Variants in LCMT1 observed in about 807,000 individuals in gnomAD.
LCMT1 encodes leucine carboxyl methyltransferase 1.
Under a neutral mutation model 47.7 loss-of-function variants are expected in LCMT1, and 32 were observed. That is an observed-to-expected ratio of 0.67 (90% CI 0.51 to 0.90). The LOEUF (loss-of-function observed/expected upper bound fraction) is 0.90. Ranked by LOEUF, LCMT1 falls within the 40% of genes least tolerant of loss-of-function variation. The probability of loss-of-function intolerance (pLI) is 0.00; values close to 1 mark genes in which losing one functional copy is unlikely to be tolerated. For missense variants in LCMT1, 375 were observed against 415.2 expected, an observed-to-expected ratio of 0.90 and a Z score of 0.84; for synonymous variants, 152 against 149.7, an observed-to-expected ratio of 1.02 and a Z score of -0.11.
chr16:25,168,296 G>T (rs1431238196), intron 7 of LCMT1, among the ~76,000 whole-genome samples: 2 of 152,042 alleles, frequency 1.3e-5, no homozygotes, highest in Non-Finnish European at 2.9e-5. Flanking sequence ...TGATCCACCT[G>T]CCTCAGCCTC....
chr16:25,120,922 ATTT>A (rs56817833), intron 1 of LCMT1, among the ~76,000 whole-genome samples: 90 of 97,396 alleles, frequency 9.2e-4, no homozygotes, highest in African/African-American at 3.5e-3. Context: ...CTGATTTTGT[ATTT>A]TTTTTTTTTT....
chr16:25,154,489 CTTTTTTTTTT>C (rs748304475), intron 5 of LCMT1, among the ~76,000 whole-genome samples: 2 of 123,754 alleles, frequency 1.6e-5, no homozygotes, highest in Non-Finnish European at 3.5e-5. Context: ...TGGATGTGTT[CTTTTTTTTTT>C]TTTTTTTTTG....
At chr16:25,120,157 C>T (rs1481863807) in intron 1 of LCMT1, among the ~76,000 whole-genome samples, 1 of 150,918 alleles carries the variant, frequency 6.6e-6, no homozygotes, top group African/African-American at 2.4e-5. Context: ...GAGACTCTGT[C>T]TGAAAAAAAT....
At chr16:25,112,641 T>C (rs1318151654) in intron 1 of LCMT1, among the ~76,000 whole-genome samples, 1 of 152,132 alleles carries the variant, frequency 6.6e-6, no homozygotes, top group Admixed American at 6.5e-5. Flanking sequence ...GGCCTTTACT[T>C]TGCAGTGGTT....
chr16:25,177,903 T>C, intron 10 of LCMT1, 98 bp from the exon 11 acceptor site: 2 of 990,810 alleles, frequency 2.0e-6, no homozygotes, highest in Non-Finnish European at 3.3e-6. Context: ...GTCAGCAGTG[T>C]GGCTGGTGCC....
chr16:25,113,576 T>A (rs904411119), intron 1 of LCMT1, among the ~76,000 whole-genome samples: 1 of 152,212 alleles, frequency 6.6e-6, no homozygotes, highest in Non-Finnish European at 1.5e-5. Context: ...AAGTGGTGAT[T>A]GATTAAATTA....
In LCMT1 at chr16:25,170,786, C is replaced by T. The variant is rs1365744452; in HGVS notation, c.865C>T (p.Pro289Ser). ...VDMMELYNRL[P>S]RAEVSRIESL... is the part of the protein sequence containing the mutation. ...CATGATGGAGTTGTACAACAGGTTA[C>T]CTCGAGCTGAAGTGAGCAGGTATGG... is the stretch of plus-strand genomic sequence containing the variant. The change falls in exon 9 of 11, where the codon CCT becomes TCT. Residue 289 changes from proline (P) to serine (S), a missense_variant. Coordinates refer to ENST00000399069, the MANE Select transcript of LCMT1 (RefSeq NM_016309.3). 6 of 1,612,226 alleles carry T rather than the reference C, an allele frequency of 3.7e-6. No homozygotes were observed. The highest frequency in any genetic ancestry group is 5.1e-6 in the Non-Finnish European group (6 of 1,178,690).
At chr16:25,129,550 T>C (rs910558619) in intron 2 of LCMT1, among the ~76,000 whole-genome samples, 1 of 152,302 alleles carries the variant, frequency 6.6e-6, no homozygotes, top group South Asian at 2.1e-4. Flanking sequence ...CACTTTTTTT[T>C]CCCCAATGAG....
At chr16:25,132,198 A>G in intron 2 of LCMT1, 1 of 583,072 alleles carries the variant, frequency 1.7e-6, no homozygotes, top group Non-Finnish European at 3.1e-6. Context: ...GAAATAGATT[A>G]TACTTACCTT....
chr16:25,171,069 C>G (rs1161094284), intron 9 of LCMT1, among the ~76,000 whole-genome samples: 1 of 151,992 alleles, frequency 6.6e-6, no homozygotes, highest in Non-Finnish European at 1.5e-5. Context: ...AACCTTGTCT[C>G]TACTAAAAAT....
intron 4 of LCMT1, chr16:25,141,849 A>G (rs1960703956): frequency 1.3e-5 from 2 of 152,216 alleles, no homozygotes; most frequent in African/African-American, 4.8e-5. Flanking sequence ...TGCCTGTACT[A>G]GTTGCCAGTG....
chr16:25,116,911 A>G (rs1342010191), intron 1 of LCMT1, among the ~76,000 whole-genome samples: 1 of 151,740 alleles, frequency 6.6e-6, no homozygotes, highest in Non-Finnish European at 1.5e-5. Context: ...AAAAAGAGAT[A>G]AACCAGAAAC....
At chr16:25,113,826 G>C (rs1959704409) in intron 1 of LCMT1, among the ~76,000 whole-genome samples, 1 of 152,186 alleles carries the variant, frequency 6.6e-6, no homozygotes, top group Non-Finnish European at 1.5e-5. Flanking sequence ...AGTGGAGACA[G>C]GGCTTCACCA....
chr16:25,116,573 G>T (rs1959791653), intron 1 of LCMT1, among the ~76,000 whole-genome samples: 1 of 151,912 alleles, frequency 6.6e-6, no homozygotes, highest in East Asian at 1.9e-4. Context: ...GGTCCTGGAG[G>T]TCAGTGCCAC....
chr16:25,151,516 A>G, intron 4 of LCMT1, 38 bp from the exon 5 acceptor site: 1 of 1,546,574 alleles, frequency 6.5e-7, no homozygotes, highest in Non-Finnish European at 8.9e-7. Flanking sequence ...TGAGGAGCAA[A>G]TAGACTCATT....
At chr16:25,122,905 T>A (rs569795813) in intron 1 of LCMT1, among the ~76,000 whole-genome samples, 1 of 151,820 alleles carries the variant, frequency 6.6e-6, no homozygotes, top group South Asian at 2.1e-4. Flanking sequence ...CCTGCCTCAG[T>A]CTCCTGTGTA....
At chr16:25,122,447 C>T (rs1012413554) in intron 1 of LCMT1, among the ~76,000 whole-genome samples, 1 of 152,110 alleles carries the variant, frequency 6.6e-6, no homozygotes. Flanking sequence ...TAGCTGGAAT[C>T]ACAGGCGTGC....
At chr16:25,164,486 T>C in intron 6 of LCMT1, 112 bp from the exon 7 acceptor site, 1 of 1,323,202 alleles carries the variant, frequency 7.6e-7, no homozygotes, top group Non-Finnish European at 1.1e-6. Flanking sequence ...GCTCAGGCCT[T>C]CTGAGTTCCC....
At chr16:25,152,472 C>T (rs186436057) in intron 5 of LCMT1, among the ~76,000 whole-genome samples, 7 of 152,186 alleles carry the variant, frequency 4.6e-5, no homozygotes, top group Non-Finnish European at 7.4e-5. Flanking sequence ...TTGGGGTTAC[C>T]ATGAAGGAAT....
Sources: allele counts gnomAD v4.1 joint callset (sites outside exome capture counted in the v4.1 genomes callset), GRCh38; gene constraint gnomAD v4.1.1; transcripts MANE v1.5; gene names NCBI Gene and HGNC (gene_info 2026-07-23, HGNC 2026-07-21).